BLTP3B: variants seen among roughly 807,000 people sequenced by gnomAD.
The protein encoded by BLTP3B is UHRF1 (ICBP90) binding protein 1-like.
the BLTP3B span, among the ~76,000 whole-genome samples, chr12:100,099,291 G>A: frequency 1.4e-5 from 2 of 143,726 alleles, no homozygotes; most frequent in Non-Finnish European, 3.1e-5. Flanking sequence ...ACCAGGCCCA[G>A]TTTATTCATT....
the BLTP3B span, chr12:100,084,548 C>CT: frequency 6.2e-7 from 1 of 1,614,018 alleles, no homozygotes; most frequent in Non-Finnish European, 8.5e-7. Flanking sequence ...TCCTTCACAG[C>CT]CTGTTTAAGC....
chr12:100,048,394 T>G, the BLTP3B span, among the ~76,000 whole-genome samples: 2 of 151,998 alleles, frequency 1.3e-5, no homozygotes, highest in Non-Finnish European at 2.9e-5. Context: ...TAATGTTGAT[T>G]TTTCTGTATT....
the BLTP3B span, chr12:100,086,300 T>C: frequency 2.6e-6 from 4 of 1,534,274 alleles, no homozygotes; most frequent in African/African-American, 1.4e-5. Flanking sequence ...GATAATAATC[T>C]ATAGTTAGCT....
the BLTP3B span, chr12:100,142,515 C>T: frequency 1.3e-6 from 2 of 1,511,010 alleles, no homozygotes; most frequent in Non-Finnish European, 1.8e-6. Context: ...GGCGCCGCCG[C>T]CCCCGAAGCC....
At chr12:100,075,077 T>C in the BLTP3B span, among the ~76,000 whole-genome samples, 1 of 151,684 alleles carries the variant, frequency 6.6e-6, no homozygotes, top group Non-Finnish European at 1.5e-5. Flanking sequence ...AATGGCATGA[T>C]CTCAGCTCAC....
the BLTP3B span, among the ~76,000 whole-genome samples, chr12:100,062,988 A>C: frequency 2.0e-5 from 3 of 151,996 alleles, no homozygotes; most frequent in Non-Finnish European, 2.9e-5. Flanking sequence ...AAAAAAAAAA[A>C]ACAGCTTAGA....
the BLTP3B span, among the ~76,000 whole-genome samples, chr12:100,124,976 A>ATATATATATATG: frequency 1.1e-5 from 1 of 94,892 alleles, no homozygotes; most frequent in African/African-American, 5.0e-5. Context: ...ATATATATAT[A>ATATATATATATG]TATTTATATT....
the BLTP3B span, among the ~76,000 whole-genome samples, chr12:100,078,451 A>G: frequency 1.3e-5 from 2 of 152,146 alleles, no homozygotes; most frequent in Non-Finnish European, 2.9e-5. Flanking sequence ...CAACAACACA[A>G]GAACAGCCTA....
chr12:100,077,067 T>C, the BLTP3B span, among the ~76,000 whole-genome samples: 1 of 152,222 alleles, frequency 6.6e-6, no homozygotes, highest in African/African-American at 2.4e-5. Context: ...TTAAAGTCTT[T>C]TAAAAAGCTG....
At chr12:100,038,250 A>C in the BLTP3B span, among the ~76,000 whole-genome samples, 3 of 152,052 alleles carry the variant, frequency 2.0e-5, no homozygotes, top group Admixed American at 6.6e-5. Context: ...GGATGATCTT[A>C]TCTCTCATGG....
chr12:100,129,524 C>T, the BLTP3B span, among the ~76,000 whole-genome samples: 2 of 152,220 alleles, frequency 1.3e-5, no homozygotes, highest in Non-Finnish European at 2.9e-5. Context: ...GCTTCTAAAA[C>T]ATTGCCAGGG....
chr12:100,126,363 A>T, the BLTP3B span, among the ~76,000 whole-genome samples: 20,927 of 152,074 alleles, frequency 0.14, 1,584 homozygotes, highest in African/African-American at 0.16. Flanking sequence ...TTGTTTTCCA[A>T]GCCAACGAAT....
chr12:100,070,320 CTT>C, the BLTP3B span: 1 of 954,626 alleles, frequency 1.0e-6, no homozygotes, highest in Admixed American at 3.9e-5. Context: ...GAGTTTCGCT[CTT>C]GTTGCCCAGG....
the BLTP3B span, among the ~76,000 whole-genome samples, chr12:100,054,463 AT>A: frequency 6.6e-6 from 1 of 152,200 alleles, no homozygotes; most frequent in African/African-American, 2.4e-5. Context: ...TTATTATTTA[AT>A]TATTAGAAAT....
the BLTP3B span, among the ~76,000 whole-genome samples, chr12:100,091,903 G>A: frequency 1.3e-5 from 2 of 151,310 alleles, no homozygotes; most frequent in Non-Finnish European, 2.9e-5. Context: ...CCACCTCCCA[G>A]GTTTGAGAGA....
At chr12:100,057,375 T>A in the BLTP3B span, among the ~76,000 whole-genome samples, 1 of 152,006 alleles carries the variant, frequency 6.6e-6, no homozygotes, top group African/African-American at 2.4e-5. Flanking sequence ...TTAGAATATA[T>A]CTAAAAATAA....
At chr12:100,137,356 T>G in the BLTP3B span, among the ~76,000 whole-genome samples, 7 of 152,190 alleles carry the variant, frequency 4.6e-5, no homozygotes, top group Non-Finnish European at 7.4e-5. Flanking sequence ...CAACACAAAG[T>G]GAGGCACTCT....
chr12:100,092,774 C>T, the BLTP3B span: 3 of 446,452 alleles, frequency 6.7e-6, no homozygotes, highest in African/African-American at 6.5e-5. Context: ...CCAATCACAA[C>T]CTAAGCTACC....
chr12:100,097,332 A>G, the BLTP3B span: 26 of 1,594,246 alleles, frequency 1.6e-5, no homozygotes, highest in African/African-American at 4.0e-5. Flanking sequence ...AACAGTTAAC[A>G]CATGAATCAA....
Sources: gnomAD v4.1 joint callset for allele counts (sites outside exome capture counted in the v4.1 genomes callset) on GRCh38, gnomAD v4.1.1 for gene constraint, MANE v1.5 for transcripts, NCBI Gene and HGNC (gene_info 2026-07-23, HGNC 2026-07-21) for gene names.